MORC1: variants seen among roughly 807,000 people sequenced by gnomAD.
MORC1 encodes the protein MORC family CW-type zinc finger protein 1.
In MORC1, 59 loss-of-function variants were observed where a neutral mutation model predicts 134.9. The observed-to-expected ratio is 0.44, with a 90% CI of 0.35 to 0.54. The LOEUF (loss-of-function observed/expected upper bound fraction) is 0.54, where lower values mean the gene tolerates loss of function less well. MORC1 is among the 20% of genes least tolerant of loss of function. MORC1 has a pLI of 0.00. For missense variants in MORC1, 947 were observed against 1,134.5 expected (o/e 0.83, Z 2.37); for synonymous variants, 395 against 391.7 (o/e 1.01, Z -0.10).
Position 109,093,600 on chromosome 3 carries a change from T to C in MORC1, c.584-59A>G, listed in dbSNP as rs565288004. The C allele has an allele frequency of 4.0e-5, 48 of 1,211,902 alleles. No homozygotes were observed. In the African/African-American group the frequency reaches 5.6e-4, roughly 14 times the overall value. The allele number at this position is 1,211,902 out of a possible 1,614,324, so 75.1% of individuals were successfully genotyped here. ...TTTTAAATACACTAAATGCTAGTCATTGTGCTATCATTTCATCTATGGAAC... is the reference window on the plus strand; with the variant it reads ...TTTTAAATACACTAAATGCTAGTCACTGTGCTATCATTTCATCTATGGAAC... On this transcript the variant is annotated intron_variant, in intron 7 of 27. Transcript: ENST00000232603.
At chr3:109,028,106 C>G (rs9858814) in intron 16 of MORC1, among the ~76,000 whole-genome samples, 64,233 of 151,860 alleles carry the variant, frequency 0.42, 14,290 homozygotes, top group Middle Eastern at 0.55. Flanking sequence ...GTGGACAGTA[C>G]CATATATTAA....
chr3:109,105,269 A>T (rs1951005874), intron 3 of MORC1, among the ~76,000 whole-genome samples: 1 of 152,206 alleles, frequency 6.6e-6, no homozygotes, highest in African/African-American at 2.4e-5. Flanking sequence ...TCATGCCTGT[A>T]ATCCCAGCAC....
At chr3:109,026,584 A>G (rs1233976268) in intron 17 of MORC1, among the ~76,000 whole-genome samples, 1 of 152,228 alleles carries the variant, frequency 6.6e-6, no homozygotes, top group South Asian at 2.1e-4. Context: ...TAAAGATGCA[A>G]TCAATTCATA....
intron 21 of MORC1, among the ~76,000 whole-genome samples, chr3:108,990,898 T>TTCTCTC (rs34333221): frequency 1.4e-3 from 207 of 145,748 alleles, no homozygotes; most frequent in African/African-American, 4.8e-3. Flanking sequence ...GTTTCTCTCT[T>TTCTCTC]TCTCTCTCTC....
chr3:109,000,203 G>C (rs1948362744), intron 21 of MORC1, among the ~76,000 whole-genome samples: 1 of 152,076 alleles, frequency 6.6e-6, no homozygotes. Context: ...ACAAATTACA[G>C]AAAGGTTCAT....
At chr3:109,033,251 T>C (rs147333546) in intron 15 of MORC1, among the ~76,000 whole-genome samples, 2 of 145,938 alleles carry the variant, frequency 1.4e-5, no homozygotes, top group African/African-American at 5.2e-5. Flanking sequence ...AGTATAAAAT[T>C]AAACTGAAAG....
At chr3:108,982,586 G>T (rs533115926) in intron 23 of MORC1, among the ~76,000 whole-genome samples, 5 of 151,584 alleles carry the variant, frequency 3.3e-5, no homozygotes, top group East Asian at 1.9e-4. Context: ...CGTGGGATGG[G>T]GGGGGCAGGG....
intron 8 of MORC1, among the ~76,000 whole-genome samples, chr3:109,078,309 C>G (rs1258454296): frequency 6.6e-6 from 1 of 151,926 alleles, no homozygotes; most frequent in Non-Finnish European, 1.5e-5. Context: ...AAAATCTGAA[C>G]AGATTTCAAA....
intron 11 of MORC1, among the ~76,000 whole-genome samples, chr3:109,060,126 AT>A (rs1321094472): frequency 1.3e-5 from 2 of 152,112 alleles, no homozygotes; most frequent in African/African-American, 4.8e-5. Flanking sequence ...AAGAAAGTTT[AT>A]TCTCTATAAT....
At chr3:109,088,714 T>C (rs1225819562) in intron 8 of MORC1, among the ~76,000 whole-genome samples, 1 of 152,164 alleles carries the variant, frequency 6.6e-6, no homozygotes, top group Non-Finnish European at 1.5e-5. Flanking sequence ...TTACTGGGTA[T>C]ATACCCAGAA....
intron 23 of MORC1, among the ~76,000 whole-genome samples, chr3:108,980,169 CTACA>C (rs1397323799): frequency 1.3e-5 from 2 of 152,038 alleles, no homozygotes; most frequent in African/African-American, 4.8e-5. Context: ...CCCCACTTAC[CTACA>C]TAGTCCTTTA....
chr3:109,072,645 A>G (rs6786875), intron 8 of MORC1, among the ~76,000 whole-genome samples: 3,231 of 152,164 alleles, frequency 0.021, 146 homozygotes, highest in African/African-American at 0.075. Flanking sequence ...CAATGCTACC[A>G]CTCTTTACAA....
At chr3:109,039,029 G>C (rs567720774) in intron 14 of MORC1, among the ~76,000 whole-genome samples, 1 of 152,246 alleles carries the variant, frequency 6.6e-6, no homozygotes, top group Non-Finnish European at 1.5e-5. Context: ...CAATTCTCAT[G>C]ACTCAGCCTC....
At chr3:109,020,537 C>T (rs549244561) in intron 17 of MORC1, among the ~76,000 whole-genome samples, 4 of 152,014 alleles carry the variant, frequency 2.6e-5, no homozygotes, top group Non-Finnish European at 4.4e-5. Flanking sequence ...GAGGCCGAGG[C>T]GGGTGGATCA....
chr3:109,109,356 T>C (rs567282712), intron 3 of MORC1, among the ~76,000 whole-genome samples: 2 of 152,260 alleles, frequency 1.3e-5, no homozygotes, highest in South Asian at 4.1e-4. Flanking sequence ...CTATCCCCAG[T>C]ACCTAGAATA....
At chr3:109,019,208 G>T (rs889852144) in intron 17 of MORC1, 1 of 152,242 alleles carries the variant, frequency 6.6e-6, no homozygotes, top group Admixed American at 6.5e-5. Context: ...GAACAACAGA[G>T]CTGGGACCTG....
chr3:109,062,566 G>A (rs918175290), intron 10 of MORC1, among the ~76,000 whole-genome samples: 10 of 151,494 alleles, frequency 6.6e-5, no homozygotes, highest in African/African-American at 1.7e-4. Context: ...GACTACAGGC[G>A]CCCACCACCA....
intron 23 of MORC1, among the ~76,000 whole-genome samples, chr3:108,984,228 C>T (rs1947833525): frequency 6.6e-6 from 1 of 152,090 alleles, no homozygotes; most frequent in African/African-American, 2.4e-5. Flanking sequence ...GAGTTTGCTT[C>T]CTTTAAAACA....
At chr3:108,982,018 G>C (rs1443185384) in intron 23 of MORC1, among the ~76,000 whole-genome samples, 2 of 152,090 alleles carry the variant, frequency 1.3e-5, no homozygotes, top group Non-Finnish European at 2.9e-5. Flanking sequence ...CTGACAAAGG[G>C]CTAATATCCA....
Sources: gnomAD v4.1 joint callset for allele counts (sites outside exome capture counted in the v4.1 genomes callset) on GRCh38, gnomAD v4.1.1 for gene constraint, MANE v1.5 for transcripts, NCBI Gene and HGNC (gene_info 2026-07-23, HGNC 2026-07-21) for gene names.